The following PDE3A variants were observed in gnomAD, a reference collection of about 807,000 sequenced individuals.
The protein encoded by PDE3A is cGMP-inhibited 3',5'-cyclic phosphodiesterase 3A.
PDE3A carries 43 observed loss-of-function variants against 98.3 expected under a neutral mutation model. That is an observed-to-expected ratio of 0.44 (90% confidence interval 0.34 to 0.56). The LOEUF (loss-of-function observed/expected upper bound fraction) is 0.56, where lower values mean the gene tolerates loss of function less well. Ranked by LOEUF, PDE3A falls within the 20% of genes least tolerant of loss-of-function variation. The pLI is 0.01. For missense variants in PDE3A, 1,427 were observed against 1,440.7 expected, an observed-to-expected ratio of 0.99 and a Z score of 0.15; for synonymous variants, 663 against 567.9, an observed-to-expected ratio of 1.17 and a Z score of -2.38.
Position 20,370,226 on chromosome 12 carries a change from C to T in PDE3A, c.942C>T (p.Pro314=). The T allele has an allele frequency of 1.3e-6, 2 of 1,571,032 alleles. No homozygotes were observed. The highest frequency in any genetic ancestry group is 1.7e-6 in the Non-Finnish European group (2 of 1,161,618). ...SSKSHRRTSL[P]CIPREQLMGH... is the part of the protein sequence containing the mutation. ...AGTCCCATCGGAGGACCTCCCTGCC[C>T]TGTATACCGAGGGAACAGGTAAGCA... The change falls in exon 1 of 16, where the codon CCC becomes CCT. Residue 314 remains proline (P), a synonymous_variant. Transcript: ENST00000359062.
intron 1 of PDE3A, among the ~76,000 whole-genome samples, chr12:20,406,855 C>T (rs1944242598): frequency 6.6e-6 from 1 of 152,062 alleles, no homozygotes; most frequent in Non-Finnish European, 1.5e-5. Context: ...GTCTTTAGTT[C>T]ATTTTGAGCT....
intron 15 of PDE3A, among the ~76,000 whole-genome samples, chr12:20,667,159 T>C (rs945685159): frequency 5.3e-5 from 8 of 152,206 alleles, no homozygotes; most frequent in Non-Finnish European, 1.0e-4. Flanking sequence ...TTGATTTTCT[T>C]GTATATTCTG....
intron 1 of PDE3A, among the ~76,000 whole-genome samples, chr12:20,402,144 T>C (rs1229258208): frequency 6.6e-6 from 1 of 151,976 alleles, no homozygotes; most frequent in African/African-American, 2.4e-5. Flanking sequence ...TCCTGGGAAA[T>C]TGGATCCTGG....
At chr12:20,445,129 C>A (rs772533567) in intron 1 of PDE3A, among the ~76,000 whole-genome samples, 1 of 152,068 alleles carries the variant, frequency 6.6e-6, no homozygotes, top group Non-Finnish European at 1.5e-5. Context: ...AAAATGGGTA[C>A]GTTTCAGAAC....
At chr12:20,402,243 G>A (rs559247575) in intron 1 of PDE3A, among the ~76,000 whole-genome samples, 5 of 152,030 alleles carry the variant, frequency 3.3e-5, no homozygotes, top group East Asian at 1.9e-4. Context: ...TCCGCCTCCC[G>A]GGTCAAGCAA....
intron 1 of PDE3A, among the ~76,000 whole-genome samples, chr12:20,532,516 C>T (rs1437604639): frequency 1.3e-5 from 2 of 152,090 alleles, no homozygotes; most frequent in Non-Finnish European, 2.9e-5. Context: ...ACCAATCAGT[C>T]TGAGAGATTC....
chr12:20,424,574 T>C (rs1057456466), intron 1 of PDE3A, among the ~76,000 whole-genome samples: 7 of 152,210 alleles, frequency 4.6e-5, no homozygotes, highest in Middle Eastern at 3.2e-3. Flanking sequence ...GTCCTATTTA[T>C]GTAAAGCAAA....
At chr12:20,382,050 A>G (rs1219985272) in intron 1 of PDE3A, among the ~76,000 whole-genome samples, 1 of 151,922 alleles carries the variant, frequency 6.6e-6, no homozygotes, top group African/African-American at 2.4e-5. Flanking sequence ...ATATCATTTG[A>G]CACTCTCTAA....
intron 1 of PDE3A, among the ~76,000 whole-genome samples, chr12:20,406,964 T>C (rs919538233): frequency 1.3e-5 from 2 of 152,200 alleles, no homozygotes; most frequent in African/African-American, 4.8e-5. Flanking sequence ...TCTTTCCCCA[T>C]TGTTTATTCT....
rs376845696 is a variant in PDE3A at position 20,672,918 on chromosome 12, C to G, written c.3185-7112C>G. 8.7e-3 allele frequency among the ~76,000 whole-genome samples: 1,251 copies of G among 144,310 alleles called. 11 individuals carry two copies. The highest frequency in any genetic ancestry group is 0.013 in the Non-Finnish European group (869 of 66,238). 94.7% of individuals were successfully genotyped at this position (144,310 alleles called of 152,430 possible). A position where few individuals can be genotyped will look rare whatever the true frequency, so the allele number is the denominator to read the frequency against. ...ACCATCAGAGTGAACAGGCAACCTACAAAATGGGAGAAAATTTTCACAACC... is the reference window on the plus strand; with the variant it reads ...ACCATCAGAGTGAACAGGCAACCTAGAAAATGGGAGAAAATTTTCACAACC... On this transcript the variant is annotated intron_variant, in intron 15 of 15. Transcript: ENST00000359062.
intron 1 of PDE3A, among the ~76,000 whole-genome samples, chr12:20,439,534 A>G (rs1297316625): frequency 6.6e-6 from 1 of 151,728 alleles, no homozygotes; most frequent in East Asian, 1.9e-4. Context: ...GACCTATTGC[A>G]CTTAAAAATA....
chr12:20,458,514 A>T (rs564010671), intron 1 of PDE3A, among the ~76,000 whole-genome samples: 2 of 152,278 alleles, frequency 1.3e-5, no homozygotes, highest in East Asian at 3.9e-4. Flanking sequence ...ATGTGCCCTT[A>T]GAAACACAGG....
chr12:20,430,343 C>A (rs1944675181), intron 1 of PDE3A, among the ~76,000 whole-genome samples: 1 of 151,854 alleles, frequency 6.6e-6, no homozygotes, highest in Non-Finnish European at 1.5e-5. Context: ...AATATCTATC[C>A]CTAAAGGAAG....
rs796510759 is a variant in PDE3A at position 20,649,545 on chromosome 12, AAGC to A, written c.2769+657_2769+659del. On this transcript the variant is annotated intron_variant, in intron 13 of 15. Coordinates refer to ENST00000359062, the MANE Select transcript of PDE3A (RefSeq NM_000921.5). ...GGCAGCAGTACAGATCAAAAACTTG[AAGC>A]AGAATTTTATACCTCAAAAGTAAAT... 5.3e-5 allele frequency among the ~76,000 whole-genome samples: 8 copies of A among 152,312 alleles called. No individual in the cohort carries two copies. In the East Asian group the frequency reaches 1.5e-3, roughly 29 times the overall value.
At chr12:20,424,718 C>T (rs1425549631) in intron 1 of PDE3A, among the ~76,000 whole-genome samples, 1 of 152,170 alleles carries the variant, frequency 6.6e-6, no homozygotes, top group African/African-American at 2.4e-5. Flanking sequence ...GTTTATATCA[C>T]TCACACTGTG....
chr12:20,581,154 G>T (rs1392985862), intron 2 of PDE3A, among the ~76,000 whole-genome samples: 1 of 151,980 alleles, frequency 6.6e-6, no homozygotes, highest in Non-Finnish European at 1.5e-5. Flanking sequence ...TCAGAACATT[G>T]GACTTAATCA....
chr12:20,608,719 TA>T (rs1222608823), intron 2 of PDE3A, among the ~76,000 whole-genome samples: 7 of 152,016 alleles, frequency 4.6e-5, no homozygotes, highest in South Asian at 2.1e-4. Flanking sequence ...TTGATAATTA[TA>T]AAAAAACTTG....
At chr12:20,423,836 T>C (rs565255070) in intron 1 of PDE3A, among the ~76,000 whole-genome samples, 1 of 151,972 alleles carries the variant, frequency 6.6e-6, no homozygotes, top group Non-Finnish European at 1.5e-5. Flanking sequence ...CCCAAACATA[T>C]CCCAAGGTAA....
intron 15 of PDE3A, among the ~76,000 whole-genome samples, chr12:20,669,722 C>G (rs1286646321): frequency 6.6e-6 from 1 of 152,036 alleles, no homozygotes; most frequent in Non-Finnish European, 1.5e-5. Flanking sequence ...AAAGGAACAA[C>G]CAGTACCAGC....
Sources: allele counts gnomAD v4.1 joint callset (sites outside exome capture counted in the v4.1 genomes callset), GRCh38; gene constraint gnomAD v4.1.1; transcripts MANE v1.5; gene names NCBI Gene and HGNC (gene_info 2026-07-23, HGNC 2026-07-21).